The following CPAMD8 variants were observed in gnomAD, a reference collection of about 807,000 sequenced individuals.
The protein encoded by CPAMD8 is C3 and PZP like alpha-2-macroglobulin domain containing 8.
CPAMD8 carries 146 observed loss-of-function variants against 224.7 expected under a neutral mutation model. That is an observed-to-expected ratio of 0.65 (90% CI 0.57 to 0.75). The LOEUF (loss-of-function observed/expected upper bound fraction) is 0.75. Among genes scored for constraint, CPAMD8 ranks in the 30% least tolerant of loss-of-function variants. CPAMD8 has a pLI of 0.00. For missense variants in CPAMD8, 2,301 were observed against 2,537.5 expected (o/e 0.91, Z 2.00); for synonymous variants, 966 against 1,044.6 (o/e 0.92, Z 1.45).
chr19:16,928,566 T>C (rs1402497224), intron 24 of CPAMD8, among the ~76,000 whole-genome samples: 1 of 152,164 alleles, frequency 6.6e-6, no homozygotes, highest in South Asian at 2.1e-4. Context: ...AAACCTACTT[T>C]GGTTATGTTC....
chr19:16,936,858 G>A (rs1433181773), intron 23 of CPAMD8, among the ~76,000 whole-genome samples: 1 of 152,146 alleles, frequency 6.6e-6, no homozygotes, highest in East Asian at 1.9e-4. Context: ...GTTTATTGTG[G>A]AGAAAAAAAC....
intron 7 of CPAMD8, 57 bp from the exon 8 acceptor site, chr19:17,004,443 C>A: frequency 8.6e-7 from 1 of 1,157,082 alleles, no homozygotes; most frequent in Non-Finnish European, 1.3e-6. Context: ...CGGTGAGGTA[C>A]GGGAAGAGGG....
At chr19:17,016,398 C>T (rs1257377490) in intron 3 of CPAMD8, among the ~76,000 whole-genome samples, 2 of 152,166 alleles carry the variant, frequency 1.3e-5, no homozygotes, top group African/African-American at 2.4e-5. Flanking sequence ...TGTCTTCTAA[C>T]GTGTGGTGGC....
intron 29 of CPAMD8, among the ~76,000 whole-genome samples, chr19:16,913,576 C>T (rs1365149533): frequency 1.3e-5 from 2 of 152,112 alleles, no homozygotes; most frequent in East Asian, 1.9e-4. Context: ...AAAATAAATG[C>T]CTATTGTTGA....
At chr19:16,975,568 C>T (rs914962839) in intron 16 of CPAMD8, among the ~76,000 whole-genome samples, 1 of 151,946 alleles carries the variant, frequency 6.6e-6, no homozygotes, top group Non-Finnish European at 1.5e-5. Context: ...ATTAGCCAGG[C>T]GTGGTGGTGC....
rs7343110 is a variant in CPAMD8 at position 17,003,142 on chromosome 19, A to G, written c.674-792T>C. On this transcript the variant is annotated intron_variant, in intron 8 of 41. Transcript: ENST00000443236. ...GGTCTTGAACTCCTGACCTCTAGTG[A>G]TCTACCCACCTCAGCCTCCCAAAGT... is the stretch of plus-strand genomic sequence containing the variant. Among the ~76,000 whole-genome samples, 551 of 151,358 alleles carry G rather than the reference A, an allele frequency of 3.6e-3. 6 individuals carry two copies. Among genetic ancestry groups the G allele is most frequent in the African/African-American group, 0.012 (482 of 41,258 alleles).
chr19:16,965,687 T>C (rs1599798173), intron 18 of CPAMD8, among the ~76,000 whole-genome samples: 1 of 152,208 alleles, frequency 6.6e-6, no homozygotes, highest in Admixed American at 6.6e-5. Context: ...AAAAATCCTA[T>C]ACACCAATTA....
chr19:16,969,536 G>T (rs2054974560), intron 18 of CPAMD8, among the ~76,000 whole-genome samples: 1 of 152,104 alleles, frequency 6.6e-6, no homozygotes, highest in African/African-American at 2.4e-5. Flanking sequence ...TCTAGGAGAT[G>T]ATCAGGTTAT....
chr19:16,955,164 G>A (rs904699203), intron 19 of CPAMD8, among the ~76,000 whole-genome samples: 1 of 151,972 alleles, frequency 6.6e-6, no homozygotes, highest in African/African-American at 2.4e-5. Context: ...GCATGGTGGC[G>A]CATGCCTATA....
chr19:17,003,181 A>T (rs1209453360), intron 8 of CPAMD8, among the ~76,000 whole-genome samples: 3 of 149,346 alleles, frequency 2.0e-5, no homozygotes, highest in Admixed American at 2.0e-4. Flanking sequence ...GGGATTACAG[A>T]CGTTAGCTGC....
At chr19:16,894,678 G>A (rs1213596479) in intron 41 of CPAMD8, 1 of 338,822 alleles carries the variant, frequency 3.0e-6, no homozygotes. Flanking sequence ...CGGTAAGAGG[G>A]GAGTAGCTTG....
intron 10 of CPAMD8, 111 bp from the exon 11 acceptor site, chr19:16,997,449 AGG>A (rs1284621452): frequency 1.4e-6 from 1 of 696,780 alleles, no homozygotes; most frequent in African/African-American, 1.8e-5. Context: ...TTGGAGGGCC[AGG>A]GGTCACTTGG....
chr19:17,003,894 C>T (rs1476505973), intron 8 of CPAMD8, among the ~76,000 whole-genome samples: 2 of 151,520 alleles, frequency 1.3e-5, no homozygotes, highest in Non-Finnish European at 1.5e-5. Context: ...GCCATCTTCA[C>T]CAGTTTCCTT....
At chr19:17,002,232 C>CT in intron 9 of CPAMD8, 34 bp downstream of exon 9, 2 of 1,405,364 alleles carry the variant, frequency 1.4e-6, no homozygotes, top group Non-Finnish European at 9.9e-7. Flanking sequence ...GGGAAGGGCC[C>CT]CCCCAGTGTG....
intron 19 of CPAMD8, among the ~76,000 whole-genome samples, chr19:16,954,433 C>T (rs75630585): frequency 1.9e-3 from 296 of 151,816 alleles, no homozygotes; most frequent in African/African-American, 6.8e-3. Flanking sequence ...AAATGTAAAA[C>T]GCTGCAGCTG....
In CPAMD8 at chr19:16,923,099, C is replaced by T. The variant is rs150559305; in HGVS notation, c.3548-1113G>A. ...GGGAAGCTCAGAGAACTGGTGGTGC[C>T]GGGGACAGGGAACGGAGCAGGGAAC... On this transcript the variant is annotated intron_variant, in intron 26 of 41. Transcript: ENST00000443236. 3.7e-3 allele frequency among the ~76,000 whole-genome samples: 556 copies of T among 152,256 alleles called. 3 individuals carry two copies. Among genetic ancestry groups the T allele is most frequent in the African/African-American group, 0.01 (426 of 41,552 alleles).
At chr19:17,021,530 C>CT (rs951373950) in intron 2 of CPAMD8, among the ~76,000 whole-genome samples, 2 of 152,210 alleles carry the variant, frequency 1.3e-5, no homozygotes, top group African/African-American at 4.8e-5. Context: ...AGCCAGGGAT[C>CT]TGCATTCACT....
intron 25 of CPAMD8, among the ~76,000 whole-genome samples, chr19:16,925,794 C>T (rs1220471622): frequency 6.6e-6 from 1 of 151,758 alleles, no homozygotes; most frequent in African/African-American, 2.4e-5. Flanking sequence ...CACTCCATCA[C>T]CCAGGCTGGA....
chr19:16,918,540 T>G (rs1050672368), intron 27 of CPAMD8, among the ~76,000 whole-genome samples: 1 of 151,546 alleles, frequency 6.6e-6, no homozygotes, highest in South Asian at 2.1e-4. Context: ...CTTGAACTTC[T>G]GGGCTCAAGG....
Sources: allele counts gnomAD v4.1 joint callset (sites outside exome capture counted in the v4.1 genomes callset), GRCh38; gene constraint gnomAD v4.1.1; transcripts MANE v1.5; gene names NCBI Gene and HGNC (gene_info 2026-07-23, HGNC 2026-07-21).